Variants in OXR1 observed in about 807,000 individuals in gnomAD.
The protein encoded by OXR1 is oxidation resistance 1.
In OXR1, 41 loss-of-function variants were observed where a neutral mutation model predicts 104.6. The ratio of observed to expected loss-of-function variants is 0.39; its 90% CI spans 0.31 to 0.51. The LOEUF (loss-of-function observed/expected upper bound fraction) is 0.51, where lower values mean the gene tolerates loss of function less well. Ranked by LOEUF, OXR1 falls within the 20% of genes least tolerant of loss-of-function variation. The pLI is 0.77. For synonymous variants in OXR1, 348 were observed against 348.4 expected (o/e 1.00, Z 0.01); for missense variants, 955 against 1,031.9 (o/e 0.93, Z 1.02).
rs900946839 is a variant in OXR1, at chr8:106,649,761, G to A, written c.221-29449G>A. Among the ~76,000 whole-genome samples the A allele has an allele frequency of 1.1e-4, 16 of 151,938 alleles. No homozygotes were observed. In the East Asian group the frequency reaches 2.3e-3, roughly 22 times the overall value. On this transcript the variant is annotated intron_variant, in intron 3 of 16. Transcript: ENST00000517566. ...GCCCAGGCTGGAGTGCAGTGGCGCGGTCTCGGCTCACTGCAACCTCTGCCT... is the reference window on the plus strand; with the variant it reads ...GCCCAGGCTGGAGTGCAGTGGCGCGATCTCGGCTCACTGCAACCTCTGCCT...
Position 106,746,303 on chromosome 8 carries a change from G to C in OXR1, c.2486+441G>C, listed in dbSNP as rs199677946. ...TATTTTAGACAATAATGGAAATGGGGTTTTTGCTTGCTTGTTTTTTAACAA... is the reference window on the plus strand; with the variant it reads ...TATTTTAGACAATAATGGAAATGGGCTTTTTGCTTGCTTGTTTTTTAACAA... On this transcript the variant is annotated intron_variant, in intron 16 of 16. Coordinates refer to ENST00000517566, the MANE Select transcript of OXR1 (RefSeq NM_001198533.2). Among the ~76,000 whole-genome samples the C allele has an allele frequency of 1.7e-3, 7 of 4,098 alleles. No homozygotes were observed. The Admixed American group carries it at 0.023, about 14-fold the overall frequency. The allele number at this position is 4,098 out of a possible 152,430, so 2.7% of individuals were successfully genotyped here.
intron 2 of OXR1, among the ~76,000 whole-genome samples, chr8:106,462,029 A>G (rs557032422): frequency 6.6e-6 from 1 of 152,254 alleles, no homozygotes; most frequent in South Asian, 2.1e-4. Flanking sequence ...AGTCATTTGT[A>G]TTAATGTCTT....
intron 1 of OXR1, among the ~76,000 whole-genome samples, chr8:106,344,219 T>C (rs540384541): frequency 3.1e-4 from 47 of 152,218 alleles, no homozygotes; most frequent in African/African-American, 1.1e-3. Context: ...AGATGTTAAG[T>C]CCCCAGCTGC....
At chr8:106,395,131 A>G (rs1435045567) in intron 2 of OXR1, among the ~76,000 whole-genome samples, 2 of 152,140 alleles carry the variant, frequency 1.3e-5, no homozygotes, top group East Asian at 3.9e-4. Context: ...AAACCATGTT[A>G]TGTGTTTTGA....
chr8:106,748,822 A>C (rs1246568140), intron 16 of OXR1, among the ~76,000 whole-genome samples: 1 of 151,492 alleles, frequency 6.6e-6, no homozygotes, highest in Non-Finnish European at 1.5e-5. Flanking sequence ...CACCAGCCTC[A>C]GCCTCCCAAA....
chr8:106,551,485 C>G (rs55798029), intron 3 of OXR1, among the ~76,000 whole-genome samples: 51,379 of 151,916 alleles, frequency 0.34, 10,530 homozygotes, highest in South Asian at 0.45. Flanking sequence ...AATAAAGTAG[C>G]CTTTTACTTG....
intron 3 of OXR1, among the ~76,000 whole-genome samples, chr8:106,590,101 A>G (rs1279612044): frequency 6.6e-6 from 1 of 152,230 alleles, no homozygotes; most frequent in East Asian, 1.9e-4. Flanking sequence ...AAAAAATTTA[A>G]TGCAGTTTGG....
intron 1 of OXR1, among the ~76,000 whole-genome samples, chr8:106,343,344 G>A (rs1293518906): frequency 2.0e-5 from 3 of 152,132 alleles, no homozygotes; most frequent in East Asian, 1.9e-4. Context: ...TGTCCAGATC[G>A]CTTAAGCAAA....
At chr8:106,582,882 C>T (rs1289262494) in intron 3 of OXR1, among the ~76,000 whole-genome samples, 1 of 152,138 alleles carries the variant, frequency 6.6e-6, no homozygotes, top group African/African-American at 2.4e-5. Context: ...TCTCTTGGCA[C>T]CACTTTTAGG....
At chr8:106,624,283 A>G (rs1470239586) in intron 3 of OXR1, among the ~76,000 whole-genome samples, 1 of 152,240 alleles carries the variant, frequency 6.6e-6, no homozygotes, top group African/African-American at 2.4e-5. Flanking sequence ...AAGAAGGAGT[A>G]AGATATTTAG....
chr8:106,739,431 A>G, intron 12 of OXR1, 27 bp from the exon 13 acceptor site: 2 of 1,598,278 alleles, frequency 1.3e-6, no homozygotes, highest in Non-Finnish European at 8.6e-7. Flanking sequence ...GTTTACATTA[A>G]TGCACTACCT....
chr8:106,351,035 G>T (rs893496787), intron 1 of OXR1, among the ~76,000 whole-genome samples: 3 of 152,082 alleles, frequency 2.0e-5, no homozygotes, highest in Admixed American at 2.0e-4. Flanking sequence ...ACTTATAAAA[G>T]TATAGACATT....
intron 14 of OXR1, among the ~76,000 whole-genome samples, chr8:106,741,926 C>T (rs1490380971): frequency 7.9e-5 from 12 of 152,036 alleles, no homozygotes; most frequent in Admixed American, 4.6e-4. Flanking sequence ...ACATATAAGT[C>T]GTCCTGAAAT....
intron 3 of OXR1, among the ~76,000 whole-genome samples, chr8:106,612,661 T>G (rs1820905481): frequency 6.6e-6 from 1 of 152,212 alleles, no homozygotes; most frequent in Non-Finnish European, 1.5e-5. Context: ...TGTATTAACA[T>G]TGTTTATTTT....
intron 2 of OXR1, among the ~76,000 whole-genome samples, chr8:106,488,910 C>G (rs1423586292): frequency 6.6e-6 from 1 of 151,734 alleles, no homozygotes; most frequent in South Asian, 2.1e-4. Flanking sequence ...GATGCGGGCT[C>G]TTTTTTGGTT....
rs572506466 is a variant in OXR1, at chr8:106,376,939, AG to A, written c.23+17304del. On this transcript the variant is annotated intron_variant, in intron 2 of 16. Transcript: ENST00000517566. Reference sequence around the variant, plus strand: ...ACAAGTATCCCCTACATTGGATGTAAGTCTTCTATACTAATTGCTACTTTTT... The same window carrying A: ...ACAAGTATCCCCTACATTGGATGTAATCTTCTATACTAATTGCTACTTTTT... Among the ~76,000 whole-genome samples, 4 of 152,306 alleles carry A rather than the reference AG, an allele frequency of 2.6e-5. No homozygotes were observed. In the East Asian group the frequency reaches 5.8e-4, roughly 22 times the overall value.
At chr8:106,430,061 A>C (rs1376575676) in intron 2 of OXR1, among the ~76,000 whole-genome samples, 3 of 151,796 alleles carry the variant, frequency 2.0e-5, no homozygotes, top group Non-Finnish European at 4.4e-5. Flanking sequence ...TGTGTGTAGA[A>C]CTGTAGTGCT....
At chr8:106,575,608 A>G (rs1228525233) in intron 3 of OXR1, among the ~76,000 whole-genome samples, 2 of 152,010 alleles carry the variant, frequency 1.3e-5, no homozygotes, top group African/African-American at 2.4e-5. Flanking sequence ...AAATGAAGAT[A>G]TCTCATTTAA....
At chr8:106,438,215 C>G (rs1819656388) in intron 2 of OXR1, among the ~76,000 whole-genome samples, 1 of 151,906 alleles carries the variant, frequency 6.6e-6, no homozygotes, top group Non-Finnish European at 1.5e-5. Flanking sequence ...AGATTGTCAA[C>G]CAATTATATT....
Sources: allele counts gnomAD v4.1 joint callset (sites outside exome capture counted in the v4.1 genomes callset), GRCh38; gene constraint gnomAD v4.1.1; transcripts MANE v1.5; gene names NCBI Gene and HGNC (gene_info 2026-07-23, HGNC 2026-07-21).